The following FSD1L variants were observed in gnomAD, a reference collection of about 807,000 sequenced individuals.
The protein encoded by FSD1L is fibronectin type III and SPRY domain containing 1 like.
FSD1L carries 45 observed loss-of-function variants against 71.6 expected under a neutral mutation model. That is an observed-to-expected ratio of 0.63 (90% confidence interval 0.49 to 0.81). The LOEUF (loss-of-function observed/expected upper bound fraction) is 0.81, where lower values mean the gene tolerates loss of function less well. FSD1L is among the 30% of genes least tolerant of loss of function. The pLI is 0.00. For synonymous variants in FSD1L, 197 were observed against 207.2 expected (o/e 0.95, Z 0.42); for missense variants, 561 against 618.1 (o/e 0.91, Z 0.98).
At chr9:105,463,242 A>T (rs1830835348) in intron 2 of FSD1L, among the ~76,000 whole-genome samples, 1 of 152,174 alleles carries the variant, frequency 6.6e-6, no homozygotes, top group African/African-American at 2.4e-5. Context: ...TTTTTAGGAA[A>T]ACCTTTATTC....
intron 10 of FSD1L, among the ~76,000 whole-genome samples, chr9:105,531,458 A>G (rs893457118): frequency 2.8e-4 from 43 of 152,266 alleles, no homozygotes; most frequent in African/African-American, 1.0e-3. Flanking sequence ...ATGGTAAGAT[A>G]GTACTAGCAA....
At chr9:105,468,011 C>T (rs929121784) in intron 3 of FSD1L, among the ~76,000 whole-genome samples, 182 bp from the exon 4 acceptor site, 3 of 152,110 alleles carry the variant, frequency 2.0e-5, no homozygotes, top group African/African-American at 4.8e-5. Flanking sequence ...TTAGCATTAG[C>T]GGGCAGTTTG....
rs75344025 is a variant in FSD1L, at chr9:105,458,954, A to G, written c.16-2566A>G. Among the ~76,000 whole-genome samples the G allele has an allele frequency of 6.3e-3, 961 of 152,314 alleles. 16 individuals carry two copies. Among genetic ancestry groups the G allele is most frequent in the African/African-American group, 0.022 (912 of 41,560 alleles). On this transcript the variant is annotated intron_variant, in intron 1 of 13. Transcript: ENST00000481272. ...AAATTTGGAGGTCCTGGAGGGATAG[A>G]CTGGGGTAGAAAACTCGTTGAATTA...
intron 10 of FSD1L, among the ~76,000 whole-genome samples, chr9:105,533,237 G>T (rs928102755): frequency 6.6e-6 from 1 of 151,708 alleles, no homozygotes; most frequent in African/African-American, 2.4e-5. Context: ...ACATCTTTGG[G>T]ACTGAATCTG....
In FSD1L at chr9:105,486,715, TAGAG is replaced by T. The variant is rs1324812420; in HGVS notation, c.586+2216_586+2219del. On this transcript the variant is annotated intron_variant, in intron 7 of 13. Coordinates refer to ENST00000481272, the MANE Select transcript of FSD1L (RefSeq NM_001145313.3). ...AGAGCAAAGAAAAATTTCAGCAACT[TAGAG>T]AGGAAAGTTGTCCTTTCCTGCTTAT... Among the ~76,000 whole-genome samples the T allele has an allele frequency of 3.3e-5, 5 of 152,284 alleles. No individual in the cohort carries two copies. In the East Asian group the frequency reaches 5.8e-4, roughly 18 times the overall value.
At chr9:105,452,665 G>GCCTGCCTGCCTGCCTT (rs1830095598) in intron 1 of FSD1L, among the ~76,000 whole-genome samples, 17 of 85,902 alleles carry the variant, frequency 2.0e-4, no homozygotes, top group African/African-American at 7.6e-4. Context: ...CTGCCTGCCT[G>GCCTGCCTGCCTGCCTT]CCTGCCTTCC....
chr9:105,488,673 G>A (rs1832713223), intron 7 of FSD1L, among the ~76,000 whole-genome samples: 1 of 152,070 alleles, frequency 6.6e-6, no homozygotes, highest in Non-Finnish European at 1.5e-5. Flanking sequence ...TTCACCAATT[G>A]GTGGTATTGT....
At chr9:105,475,589 A>G (rs145095535) in intron 5 of FSD1L, among the ~76,000 whole-genome samples, 28 of 152,318 alleles carry the variant, frequency 1.8e-4, no homozygotes, top group Middle Eastern at 3.4e-3. Flanking sequence ...AAAAGCGTGA[A>G]TGTTTCAGTT....
At chr9:105,446,640 GA>G (rs1829655769), upstream of FSD1L, among the ~76,000 whole-genome samples, 1 of 151,840 alleles carries the variant, frequency 6.6e-6, no homozygotes, top group Non-Finnish European at 1.5e-5. Flanking sequence ...AAAGTGTTGG[GA>G]TTACAGGTGT....
intron 10 of FSD1L, chr9:105,526,009 A>G: frequency 6.5e-7 from 1 of 1,534,374 alleles, no homozygotes; most frequent in Middle Eastern, 1.7e-4. Context: ...CAGGAGAGGA[A>G]TTATTCCCAC....
intron 10 of FSD1L, among the ~76,000 whole-genome samples, chr9:105,516,307 C>T (rs116859090): frequency 3.9e-5 from 6 of 152,312 alleles, no homozygotes; most frequent in Non-Finnish European, 5.9e-5. Flanking sequence ...CTGAAGAAAG[C>T]AGCGGACCTC....
chr9:105,488,702 A>C (rs1346016326), intron 7 of FSD1L, among the ~76,000 whole-genome samples: 1 of 152,054 alleles, frequency 6.6e-6, no homozygotes, highest in African/African-American at 2.4e-5. Context: ...ATTGTTTTTT[A>C]AAATTTCAAT....
chr9:105,471,914 G>A lies in FSD1L; in HGVS notation c.350G>A (p.Ser117Asn). ...TTTTTTTTTCCCTAGAGTCAGATTA[G>A]TCAATGTAATAATGCCCTGGAGAAC... ...RKSQELQSQISQCNNALENSE... is the reference protein window; with the variant it reads ...RKSQELQSQINQCNNALENSE... Residue 117 changes from serine (S) to asparagine (N), a missense_variant, in exon 5 of 14, where the codon AGT becomes AAT. This residue lies in a region of FSD1L where 410 missense variants were observed against 413.5 expected (regional missense o/e 0.99). Transcript: ENST00000481272. 1 of 1,224,276 alleles carries A rather than the reference G, an allele frequency of 8.2e-7. No homozygotes were observed. The highest frequency in any genetic ancestry group is 1.1e-6 in the Non-Finnish European group (1 of 932,808). The allele number at this position is 1,224,276 out of a possible 1,614,324, so 75.8% of individuals were successfully genotyped here.
intron 10 of FSD1L, among the ~76,000 whole-genome samples, chr9:105,529,434 T>A (rs1373641846): frequency 2.0e-5 from 3 of 152,164 alleles, no homozygotes; most frequent in Non-Finnish European, 2.9e-5. Context: ...CATGGAATAC[T>A]ACACAGCCAT....
At chr9:105,545,336 G>A (rs1331834785) in intron 13 of FSD1L, among the ~76,000 whole-genome samples, 1 of 145,942 alleles carries the variant, frequency 6.9e-6, no homozygotes, top group Admixed American at 6.8e-5. Flanking sequence ...GAGACAATGG[G>A]GTTTTCTAGA....
intron 1 of FSD1L, among the ~76,000 whole-genome samples, chr9:105,449,081 A>G (rs1829821153): frequency 6.6e-6 from 1 of 152,358 alleles, no homozygotes; most frequent in East Asian, 1.9e-4. Flanking sequence ...TAGGAAAGAA[A>G]AAACAAGGAG....
Position 105,546,806 on chromosome 9 carries a change from C to T in FSD1L, c.*323C>T. 1 of 162,832 alleles carries T rather than the reference C, an allele frequency of 6.1e-6. No individual in the cohort carries two copies. Among genetic ancestry groups the T allele is most frequent in the Non-Finnish European group, 1.3e-5 (1 of 75,446 alleles). 10.1% of individuals were successfully genotyped at this position (162,832 alleles called of 1,614,324 possible). ...CTAATGTTTAATTACATATGGTAAC[C>T]CTAAGGCCTGGGGAGAAAAGCTTTT... On this transcript the variant is annotated 3_prime_UTR_variant, in exon 14 of 14. Coordinates refer to ENST00000481272, the MANE Select transcript of FSD1L (RefSeq NM_001145313.3).
chr9:105,516,551 G>T (rs1005363789), intron 10 of FSD1L, among the ~76,000 whole-genome samples: 7 of 152,172 alleles, frequency 4.6e-5, no homozygotes, highest in African/African-American at 9.7e-5. Flanking sequence ...AGGCCAACAG[G>T]GTCTGGAGTG....
Position 105,448,219 on chromosome 9 carries a change from C to A in FSD1L, c.-2C>A, listed in dbSNP as rs1410260827. 3.2e-6 allele frequency: 5 copies of A among 1,539,608 alleles called. No homozygotes were observed. In the East Asian group the frequency reaches 1.3e-4, roughly 39 times the overall value. ...CGAGCCCAGTGGGCTTAGCCACTCGCCATGGACTCCCAGAAAGTAAGCGGG... is the reference window on the plus strand; with the variant it reads ...CGAGCCCAGTGGGCTTAGCCACTCGACATGGACTCCCAGAAAGTAAGCGGG... On this transcript the variant is annotated 5_prime_UTR_variant, in exon 1 of 14. Coordinates refer to ENST00000481272, the MANE Select transcript of FSD1L (RefSeq NM_001145313.3).
Sources: allele counts gnomAD v4.1 joint callset (sites outside exome capture counted in the v4.1 genomes callset), GRCh38; gene constraint gnomAD v4.1.1; regional missense constraint gnomAD v4.1.1; transcripts MANE v1.5; gene names NCBI Gene and HGNC (gene_info 2026-07-23, HGNC 2026-07-21).